Variants in ARHGEF28 observed in about 807,000 individuals in gnomAD.
ARHGEF28 encodes Rho guanine nucleotide exchange factor 28, also known as 190 kDa guanine nucleotide exchange factor.
In ARHGEF28, 152 loss-of-function variants were observed where a neutral mutation model predicts 206.6. That is an observed-to-expected ratio of 0.74 (90% CI 0.64 to 0.84). The LOEUF is 0.84. Among genes scored for constraint, ARHGEF28 ranks in the 40% least tolerant of loss-of-function variants. ARHGEF28 has a pLI of 0.00. For missense variants in ARHGEF28, 2,028 were observed against 2,073.2 expected (o/e 0.98, Z 0.42); for synonymous variants, 763 against 776.4 (o/e 0.98, Z 0.29).
chr5:73,741,142 G>C (rs959931288), intron 2 of ARHGEF28, among the ~76,000 whole-genome samples: 1 of 151,916 alleles, frequency 6.6e-6, no homozygotes, highest in Admixed American at 6.6e-5. Flanking sequence ...TTGTAAGTTA[G>C]GGATTTGAAA....
intron 1 of ARHGEF28, among the ~76,000 whole-genome samples, chr5:73,683,384 A>ATT (rs201790365): frequency 6.7e-6 from 1 of 149,550 alleles, no homozygotes; most frequent in African/African-American, 2.5e-5. Flanking sequence ...ACTACCAATC[A>ATT]TTTTTTTTTC....
intron 1 of ARHGEF28, among the ~76,000 whole-genome samples, chr5:73,678,294 T>G (rs1328343133): frequency 4.6e-5 from 7 of 152,234 alleles, no homozygotes; most frequent in Non-Finnish European, 1.0e-4. Flanking sequence ...GACTTTATTT[T>G]TTTTCAAGGA....
Position 73,839,721 on chromosome 5 carries a change from T to C in ARHGEF28, c.1147-759T>C, listed in dbSNP as rs543493806. On this transcript the variant is annotated intron_variant, in intron 10 of 35. Coordinates refer to ENST00000513042, the MANE Select transcript of ARHGEF28 (RefSeq NM_001177693.2). ...GTCTTATAGCAGGAGCACGAGGCCTTACCTGCTGGATTTGCTGTTGATTTT... is the reference window on the plus strand; with the variant it reads ...GTCTTATAGCAGGAGCACGAGGCCTCACCTGCTGGATTTGCTGTTGATTTT... 7.9e-5 allele frequency among the ~76,000 whole-genome samples: 12 copies of C among 152,358 alleles called. No homozygotes were observed. The South Asian group carries it at 2.5e-3, about 32-fold the overall frequency.
chr5:73,733,915 A>G (rs10053418), intron 2 of ARHGEF28, among the ~76,000 whole-genome samples: 48,716 of 151,672 alleles, frequency 0.32, 8,648 homozygotes, highest in African/African-American at 0.47. Flanking sequence ...CAGAAGGTGA[A>G]GGGGGAGCAC....
chr5:73,651,997 G>C (rs1744865349), intron 1 of ARHGEF28, among the ~76,000 whole-genome samples: 1 of 152,142 alleles, frequency 6.6e-6, no homozygotes, highest in African/African-American at 2.4e-5. Flanking sequence ...ACCTCATTTT[G>C]GTTCCGTTGG....
chr5:73,720,531 C>A (rs552034548), intron 2 of ARHGEF28, among the ~76,000 whole-genome samples: 3 of 151,706 alleles, frequency 2.0e-5, no homozygotes, highest in African/African-American at 7.3e-5. Flanking sequence ...CAGAGTGTGG[C>A]GGGTTAGAAG....
intron 2 of ARHGEF28, among the ~76,000 whole-genome samples, chr5:73,720,138 G>T (rs1004608236): frequency 6.6e-6 from 1 of 152,190 alleles, no homozygotes; most frequent in Non-Finnish European, 1.5e-5. Context: ...TTTTCCTAAG[G>T]AGTATTAGTT....
At chr5:73,668,195 TG>T (rs1448574450) in intron 1 of ARHGEF28, among the ~76,000 whole-genome samples, 8 of 152,244 alleles carry the variant, frequency 5.3e-5, no homozygotes, top group African/African-American at 1.9e-4. Flanking sequence ...GTTTCAAAGC[TG>T]CTTCATTTTC....
chr5:73,689,254 A>AT lies in ARHGEF28; in HGVS notation c.33+4375dup, dbSNP rs566486723. ...TTTTTTGGCTCATTTCTGTTTGCTCATTTTTAGGAAGGAGACTCTATTTTC... is the reference window on the plus strand; with the variant it reads ...TTTTTTGGCTCATTTCTGTTTGCTCATTTTTTAGGAAGGAGACTCTATTTTC... On this transcript the variant is annotated intron_variant, in intron 2 of 35. Coordinates refer to ENST00000513042, the MANE Select transcript of ARHGEF28 (RefSeq NM_001177693.2). Among the ~76,000 whole-genome samples the AT allele has an allele frequency of 7.9e-3, 1,210 of 152,214 alleles. 5 individuals are homozygous for AT. Among genetic ancestry groups the AT allele is most frequent in the Non-Finnish European group, 0.012 (836 of 68,008 alleles).
At chr5:73,863,348 T>C (rs995204187) in intron 16 of ARHGEF28, 2 of 152,220 alleles carry the variant, frequency 1.3e-5, no homozygotes, top group African/African-American at 4.8e-5. Flanking sequence ...TTTTCTGATC[T>C]CTTCCTTGGG....
chr5:73,647,652 T>C (rs1744518141), intron 1 of ARHGEF28, among the ~76,000 whole-genome samples: 2 of 152,250 alleles, frequency 1.3e-5, no homozygotes, highest in Non-Finnish European at 2.9e-5. Context: ...AAGAGCTCAG[T>C]AGCCACATGT....
At chr5:73,817,453 A>G (rs1419471327) in intron 9 of ARHGEF28, among the ~76,000 whole-genome samples, 2 of 152,224 alleles carry the variant, frequency 1.3e-5, no homozygotes, top group Non-Finnish European at 2.9e-5. Flanking sequence ...GAGTCCCAAA[A>G]TAACTCTGCA....
intron 11 of ARHGEF28, 36 bp downstream of exon 11, chr5:73,840,796 A>T: frequency 6.4e-7 from 1 of 1,569,188 alleles, no homozygotes; most frequent in African/African-American, 1.4e-5. Context: ...ACTGTAGAAC[A>T]TCAAAGAACC....
rs1409395185 is a variant in ARHGEF28, at chr5:73,737,215, C to T, written c.34-12622C>T. ...CTTTTCTGCCTCCCTCTCCCCTCCT[C>T]CTTTTTACAAAAGTGTTTCCAGATT... On this transcript the variant is annotated intron_variant, in intron 2 of 35. Coordinates refer to ENST00000513042, the MANE Select transcript of ARHGEF28 (RefSeq NM_001177693.2). Among the ~76,000 whole-genome samples, 3 of 152,162 alleles carry T rather than the reference C, an allele frequency of 2.0e-5. No individual in the cohort carries two copies. The East Asian group carries it at 5.8e-4, about 29-fold the overall frequency.
intron 33 of ARHGEF28, chr5:73,904,823 T>TCATC (rs540601082): frequency 9.8e-5 from 17 of 173,644 alleles, no homozygotes; most frequent in Middle Eastern, 2.8e-3. Context: ...TTTTGTTTGT[T>TCATC]CATCCACTCA....
intron 24 of ARHGEF28, 66 bp downstream of exon 24, chr5:73,883,950 C>A: frequency 2.2e-6 from 2 of 910,690 alleles, no homozygotes; most frequent in Non-Finnish European, 3.2e-6. Flanking sequence ...TTGAGGTGTT[C>A]TAAACAGCCA....
chr5:73,826,780 CT>C (rs1756937972), intron 9 of ARHGEF28, among the ~76,000 whole-genome samples: 1 of 152,182 alleles, frequency 6.6e-6, no homozygotes, highest in Admixed American at 6.5e-5. Flanking sequence ...AATCTATTTA[CT>C]TTCAATTGTC....
intron 1 of ARHGEF28, among the ~76,000 whole-genome samples, chr5:73,655,237 A>G (rs201904085): frequency 6.6e-6 from 1 of 152,220 alleles, no homozygotes; most frequent in East Asian, 1.9e-4. Context: ...CTGAGCTTGC[A>G]CAACAACTAG....
chr5:73,823,349 GCTTTA>G (rs1561431422), intron 9 of ARHGEF28, among the ~76,000 whole-genome samples: 1 of 152,118 alleles, frequency 6.6e-6, no homozygotes, highest in East Asian at 1.9e-4. Flanking sequence ...AAATTACACA[GCTTTA>G]CTTAAGAGGC....
Sources: gnomAD v4.1 joint callset for allele counts (sites outside exome capture counted in the v4.1 genomes callset) on GRCh38, gnomAD v4.1.1 for gene constraint, MANE v1.5 for transcripts, NCBI Gene and HGNC (gene_info 2026-07-23, HGNC 2026-07-21) for gene names.